Variants in HAUS8 observed in about 807,000 individuals in gnomAD.
HAUS8 encodes the protein HAUS augmin like complex subunit 8, also known as HAUS augmin-like complex subunit 8.
In HAUS8, 38 loss-of-function variants were observed where a neutral mutation model predicts 42.9. The ratio of observed to expected loss-of-function variants is 0.89; its 90% confidence interval spans 0.68 to 1.16. The LOEUF (loss-of-function observed/expected upper bound fraction) is 1.16. HAUS8 is among the 50% of genes most tolerant of loss of function. The pLI is 0.00. For synonymous variants in HAUS8, 199 were observed against 205.8 expected (o/e 0.97, Z 0.28); for missense variants, 494 against 511.6 (o/e 0.97, Z 0.33).
At chr19:17,055,282 G>C (rs1282071420) in intron 9 of HAUS8, among the ~76,000 whole-genome samples, 1 of 125,096 alleles carries the variant, frequency 8.0e-6, no homozygotes, top group African/African-American at 3.1e-5. Context: ...AGAGGTTGCA[G>C]TGAGCTGAGA....
intron 4 of HAUS8, among the ~76,000 whole-genome samples, chr19:17,060,977 GA>G (rs1409988590): frequency 1.3e-5 from 2 of 152,188 alleles, no homozygotes; most frequent in Non-Finnish European, 2.9e-5. Flanking sequence ...ACCTGGAAAT[GA>G]AAAGAGGAAG....
chr19:17,058,749 C>T, intron 7 of HAUS8, 42 bp from the exon 8 acceptor site: 2 of 1,605,516 alleles, frequency 1.2e-6, no homozygotes, highest in Non-Finnish European at 1.7e-6. Context: ...TGGGGACTCC[C>T]TCCCCGTGAA....
intron 4 of HAUS8, 158 bp from the exon 5 acceptor site, chr19:17,060,250 T>G: frequency 1.9e-6 from 1 of 530,966 alleles, no homozygotes; most frequent in Non-Finnish European, 3.3e-6. Context: ...AAAAAAAACC[T>G]GTGGAAATTC....
chr19:17,053,929 C>G (rs543910565), intron 9 of HAUS8, among the ~76,000 whole-genome samples: 61 of 152,262 alleles, frequency 4.0e-4, no homozygotes, highest in African/African-American at 1.4e-3. Flanking sequence ...TCCCAAAGTG[C>G]TGGCATAACA....
intron 10 of HAUS8, 34 bp downstream of exon 10, chr19:17,052,791 T>C: frequency 6.2e-7 from 1 of 1,613,126 alleles, no homozygotes; most frequent in South Asian, 1.1e-5. Context: ...GCAAACAGGG[T>C]GCCACCTCTT....
chr19:17,075,207 G>C, intron 1 of HAUS8, 187 bp downstream of exon 1: 1 of 640,952 alleles, frequency 1.6e-6, no homozygotes, highest in Admixed American at 2.7e-5. Context: ...ACTCAGGGCC[G>C]GTCGGGTGTC....
At chr19:17,056,083 G>A (rs2057324554) in intron 8 of HAUS8, 81 bp from the exon 9 acceptor site, 1 of 1,378,572 alleles carries the variant, frequency 7.3e-7, no homozygotes, top group East Asian at 2.3e-5. Context: ...GCTTGTGCAG[G>A]GTTAAGATAC....
Position 17,056,548 on chromosome 19 carries a change from TAC to T in HAUS8, c.646-548_646-547del, listed in dbSNP as rs143197170. Among the ~76,000 whole-genome samples, 32 of 150,886 alleles carry T rather than the reference TAC, an allele frequency of 2.1e-4. No homozygotes were observed. The East Asian group carries it at 3.7e-3, about 17-fold the overall frequency. ...ATTAGCATCTATATACACACACACATACACACACACACAGACACACATACAGA... is the reference window on the plus strand; with the variant it reads ...ATTAGCATCTATATACACACACACATACACACACACAGACACACATACAGA... On this transcript the variant is annotated intron_variant, in intron 8 of 10. Coordinates refer to ENST00000253669, the MANE Select transcript of HAUS8 (RefSeq NM_033417.2).
In HAUS8 at chr19:17,053,080, C is replaced by A. The variant is rs112028065; in HGVS notation, c.788-114G>T. On this transcript the variant is annotated intron_variant, in intron 9 of 10. Transcript: ENST00000253669. The stretch of plus-strand genomic sequence containing the variant: ...TGATGCTCGGCTATCGCGCTGGAAC[C>A]GTGGAGAGCGCACAGGGAAGAAGCA... The A allele has an allele frequency of 4.9e-6, 6 of 1,234,872 alleles. No homozygotes were observed. The African/African-American group carries it at 5.9e-5, about 12-fold the overall frequency. The allele number at this position is 1,234,872 out of a possible 1,614,324, so 76.5% of individuals were successfully genotyped here.
intron 8 of HAUS8, 35 bp from the exon 9 acceptor site, chr19:17,056,037 G>T (rs1050153953): frequency 6.2e-7 from 1 of 1,609,354 alleles, no homozygotes. Context: ...GGAGACCCTG[G>T]AGTCCCCTCT....
In HAUS8 at chr19:17,063,530, A is replaced by G. The variant is rs1401183220; in HGVS notation, c.148-751T>C. Among the ~76,000 whole-genome samples the G allele has an allele frequency of 3.3e-5, 5 of 152,370 alleles. No individual in the cohort carries two copies. The South Asian group carries it at 6.2e-4, about 19-fold the overall frequency. Reference sequence around the variant, plus strand: ...TTCAAAACTGCTATTAAAATTAGTAAGTTTAACAAGAGTTTTCTTTCAATT... The same window carrying G: ...TTCAAAACTGCTATTAAAATTAGTAGGTTTAACAAGAGTTTTCTTTCAATT... On this transcript the variant is annotated intron_variant, in intron 3 of 10. Coordinates refer to ENST00000253669, the MANE Select transcript of HAUS8 (RefSeq NM_033417.2).
chr19:17,050,418 G>A (rs2057280458), intron 10 of HAUS8, among the ~76,000 whole-genome samples: 1 of 152,088 alleles, frequency 6.6e-6, no homozygotes, highest in Non-Finnish European at 1.5e-5. Flanking sequence ...GTGCTGTGCT[G>A]CTGCTGTGGT....
In HAUS8 at chr19:17,068,945, A is replaced by T. The variant is rs2057404278; in HGVS notation, c.147+86T>A. 3 of 1,235,090 alleles carry T rather than the reference A, an allele frequency of 2.4e-6. No individual in the cohort carries two copies. The Admixed American group carries it at 5.8e-5, about 24-fold the overall frequency. 76.5% of individuals were successfully genotyped at this position (1,235,090 alleles called of 1,614,324 possible). A position where few individuals can be genotyped will look rare whatever the true frequency, so the allele number is the denominator to read the frequency against. ...ATGCTTCCTTCAGGACCAGGTTGTGACCACCTCCCATGACTAGTTTCGGAA... is the reference window on the plus strand; with the variant it reads ...ATGCTTCCTTCAGGACCAGGTTGTGTCCACCTCCCATGACTAGTTTCGGAA... On this transcript the variant is annotated intron_variant, in intron 3 of 10. Transcript: ENST00000253669.
intron 10 of HAUS8, among the ~76,000 whole-genome samples, chr19:17,050,810 C>T (rs1442446321): frequency 6.6e-6 from 1 of 151,992 alleles, no homozygotes; most frequent in Non-Finnish European, 1.5e-5. Context: ...GCAGGAGAAT[C>T]GCTTGAACCC....
Position 17,058,876 on chromosome 19 carries a change from C to T in HAUS8, c.421G>A (p.Asp141Asn), listed in dbSNP as rs112781717. 1 of 1,609,736 alleles carries T rather than the reference C, an allele frequency of 6.2e-7. No homozygotes were observed. Among genetic ancestry groups the T allele is most frequent in the East Asian group, 2.2e-5 (1 of 44,872 alleles). Reference sequence around the variant, plus strand: ...ATCATTTCCATTGCTTCAGATAAATCCTTAAGAAAAGAAAAAGACCCTCTC... The same window carrying T: ...ATCATTTCCATTGCTTCAGATAAATTCTTAAGAAAAGAAAAAGACCCTCTC... Reference protein sequence around the residue: ...SFSAPRKKSPDLSEAMEMMES... With the variant: ...SFSAPRKKSPNLSEAMEMMES... Residue 141 changes from aspartate (D) to asparagine (N), a missense_variant and splice_region_variant, in exon 7 of 11, where the codon GAT becomes AAT. By Grantham distance (23) the Asp-to-Asn change is conservative. Transcript: ENST00000253669.
chr19:17,069,506 C>A (rs902958437), intron 2 of HAUS8, among the ~76,000 whole-genome samples: 1 of 151,012 alleles, frequency 6.6e-6, no homozygotes, highest in South Asian at 2.1e-4. Flanking sequence ...CCTGGTACTA[C>A]CTTTTACTCC....
chr19:17,051,354 G>A (rs1050346904), intron 10 of HAUS8, among the ~76,000 whole-genome samples: 1 of 148,212 alleles, frequency 6.7e-6, no homozygotes, highest in African/African-American at 2.5e-5. Context: ...AAGAGGTGGA[G>A]AAAAGCGCGT....
intron 4 of HAUS8, 133 bp from the exon 5 acceptor site, chr19:17,060,225 TAAAAAAAA>T (rs35562523): frequency 2.5e-5 from 7 of 278,108 alleles, no homozygotes; most frequent in South Asian, 9.7e-5. Context: ...GTGGAAAGGC[TAAAAAAAA>T]AAAAAAAAAA....
intron 10 of HAUS8, 36 bp from the exon 11 acceptor site, chr19:17,050,212 C>A: frequency 6.9e-7 from 1 of 1,443,576 alleles, no homozygotes; most frequent in Non-Finnish European, 9.2e-7. Context: ...CGGCTTTCAC[C>A]CTCTGAGGTG....
Sources: gnomAD v4.1 joint callset for allele counts (sites outside exome capture counted in the v4.1 genomes callset) on GRCh38, gnomAD v4.1.1 for gene constraint, MANE v1.5 for transcripts, NCBI Gene and HGNC (gene_info 2026-07-23, HGNC 2026-07-21) for gene names.